PCDHGA4: variants seen among roughly 807,000 people sequenced by gnomAD.
PCDHGA4 encodes the protein protocadherin gamma subfamily A, 4.
In PCDHGA4, 38 loss-of-function variants were observed where a neutral mutation model predicts 54.6. The ratio of observed to expected loss-of-function variants is 0.70; its 90% CI spans 0.54 to 0.91. The LOEUF (loss-of-function observed/expected upper bound fraction) is 0.91. Ranked by LOEUF, PCDHGA4 falls within the 40% of genes least tolerant of loss-of-function variation. The probability of loss-of-function intolerance (pLI) is 0.00; values close to 1 mark genes in which losing one functional copy is unlikely to be tolerated. For synonymous variants in PCDHGA4, 511 were observed against 512.9 expected (o/e 1.00, Z 0.05); for missense variants, 1,298 against 1,220.9 (o/e 1.06, Z -0.94).
intron 1 of PCDHGA4, chr5:141,377,597 C>G (rs935154854): frequency 2.6e-4 from 37 of 142,848 alleles, no homozygotes; most frequent in African/African-American, 9.9e-4. Context: ...CTTTTTCTCT[C>G]TCTCTCTCAA....
chr5:141,372,297 A>G, intron 1 of PCDHGA4: 1 of 1,613,298 alleles, frequency 6.2e-7, no homozygotes, highest in South Asian at 1.1e-5. Context: ...CTTGGGCGAC[A>G]GGGAGGCCGC....
At chr5:141,389,304 GCTT>G (rs762969573) in intron 1 of PCDHGA4, 2 of 1,614,006 alleles carry the variant, frequency 1.2e-6, no homozygotes, top group Non-Finnish European at 1.7e-6. Context: ...ACAAGTCAGG[GCTT>G]CTGATCCGGA....
intron 1 of PCDHGA4, chr5:141,395,340 G>T (rs529007241): frequency 2.1e-6 from 3 of 1,419,360 alleles, no homozygotes; most frequent in Non-Finnish European, 1.9e-6. Flanking sequence ...TAATTTTTAA[G>T]GTGTATCACA....
chr5:141,472,454 C>T (rs538141635), intron 1 of PCDHGA4, among the ~76,000 whole-genome samples: 3 of 151,192 alleles, frequency 2.0e-5, no homozygotes, highest in South Asian at 4.2e-4. Context: ...GCAGGAGAAT[C>T]GCTTGAACCC....
chr5:141,414,376 T>G, intron 1 of PCDHGA4: 1 of 1,613,824 alleles, frequency 6.2e-7, no homozygotes, highest in Non-Finnish European at 8.5e-7. Flanking sequence ...ATTAGAAAAG[T>G]CCATTGACAG....
chr5:141,473,879 C>G (rs937312573), intron 1 of PCDHGA4, among the ~76,000 whole-genome samples: 2 of 152,120 alleles, frequency 1.3e-5, no homozygotes, highest in Admixed American at 1.3e-4. Context: ...AATGCATACA[C>G]AAGGGTTCTG....
Position 141,487,831 on chromosome 5 carries a change from A to G in PCDHGA4, c.2515-6976A>G, listed in dbSNP as rs1001896359. ...TTAGCATTGGGGGCGGGTCATGCCTATATCTGAGTAAGAAATGAAAGTAAT... is the reference window on the plus strand; with the variant it reads ...TTAGCATTGGGGGCGGGTCATGCCTGTATCTGAGTAAGAAATGAAAGTAAT... On this transcript the variant is annotated intron_variant, in intron 1 of 3. Transcript: ENST00000571252. This position sits in a 1 kb window ranked among gnomAD's most constrained non-coding sequence, Gnocchi z 5.0. The G allele has an allele frequency of 1.1e-5, 13 of 1,144,204 alleles. No homozygotes were observed. Among genetic ancestry groups the G allele is most frequent in the Non-Finnish European group, 1.6e-5 (13 of 818,302 alleles). 70.9% of individuals were successfully genotyped at this position (1,144,204 alleles called of 1,614,324 possible). A position where few individuals can be genotyped will look rare whatever the true frequency, so the allele number is the denominator to read the frequency against.
At chr5:141,444,531 CTG>C (rs2098439915) in intron 1 of PCDHGA4, among the ~76,000 whole-genome samples, 1 of 152,100 alleles carries the variant, frequency 6.6e-6, no homozygotes, top group Non-Finnish European at 1.5e-5. Context: ...GAGACAGTGA[CTG>C]TGTCTAGTGA....
rs780664832 is a variant in PCDHGA4 at position 141,422,982 on chromosome 5, T to C, written c.2514+65361T>C. On this transcript the variant is annotated intron_variant, in intron 1 of 3. Coordinates refer to ENST00000571252, the MANE Select transcript of PCDHGA4 (RefSeq NM_018917.4). ...AGCTGGCGCCCCGCTCTGCGGAACC[T>C]GGCTACCTGGTGACCAAGGTGGTTG... 2.5e-6 allele frequency: 4 copies of C among 1,614,206 alleles called. No individual in the cohort carries two copies. The South Asian group carries it at 4.4e-5, about 18-fold the overall frequency.
intron 1 of PCDHGA4, among the ~76,000 whole-genome samples, chr5:141,473,757 T>C (rs993403397): frequency 6.6e-6 from 1 of 152,240 alleles, no homozygotes; most frequent in Non-Finnish European, 1.5e-5. Context: ...TTGGATACTA[T>C]GCAAAGGATT....
At chr5:141,384,071 C>G in intron 1 of PCDHGA4, 2 of 1,603,192 alleles carry the variant, frequency 1.2e-6, no homozygotes, top group Non-Finnish European at 1.7e-6. Flanking sequence ...GAAAACCTAC[C>G]TTTTAAATTA....
At chr5:141,399,470 TC>T in intron 1 of PCDHGA4, 1 of 1,614,018 alleles carries the variant, frequency 6.2e-7, no homozygotes, top group South Asian at 1.1e-5. Context: ...GCTCCGGTTT[TC>T]CACCAGGCGT....
At position 141,431,914 on chromosome 5, in the gene PCDHGA4, C is replaced by A. The variant is rs745837291; in HGVS notation, c.2515-62893C>A. 6.2e-7 allele frequency: 1 copy of A among 1,613,912 alleles called. No individual in the cohort carries two copies. Among genetic ancestry groups the A allele is most frequent in the African/African-American group, 1.3e-5 (1 of 75,070 alleles). On this transcript the variant is annotated intron_variant, in intron 1 of 3. Transcript: ENST00000571252. The surrounding 1 kb of genome is among the most constrained non-coding windows in gnomAD (Gnocchi z 4.8). ...AGGAAAACGGACAGGTGATCTGTTT[C>A]ATCCAAGGAAATCTGCCCTTTAAAT...
In PCDHGA4 at chr5:141,355,570, A is replaced by G; in HGVS notation, c.463A>G (p.Ile155Val). 1 of 1,614,018 alleles carries G rather than the reference A, an allele frequency of 6.2e-7. No homozygotes were observed. The highest frequency in any genetic ancestry group is 8.5e-7 in the Non-Finnish European group (1 of 1,179,884). The change falls in exon 1 of 4, where the codon ATC becomes GTC. Residue 155 changes from isoleucine to valine, a missense_variant. Coordinates refer to ENST00000571252, the MANE Select transcript of PCDHGA4 (RefSeq NM_018917.4). ...VKILRVEVEI[I>V]DVNDNPPSFG... ...GATTTTGCGGGTAGAGGTGGAAATAATCGATGTTAATGATAACCCACCCAG... is the reference window on the plus strand; with the variant it reads ...GATTTTGCGGGTAGAGGTGGAAATAGTCGATGTTAATGATAACCCACCCAG...
Position 141,477,657 on chromosome 5 carries a change from G to C in PCDHGA4, c.2515-17150G>C. 4 of 1,614,190 alleles carry C rather than the reference G, an allele frequency of 2.5e-6. No individual in the cohort carries two copies. Among genetic ancestry groups the C allele is most frequent in the Non-Finnish European group, 3.4e-6 (4 of 1,180,038 alleles). The stretch of plus-strand genomic sequence containing the variant: ...GTGGGTCGCTATTTCACAATAAATC[G>C]TGACAATGGCATAGTGTCATCCTTA... On this transcript the variant is annotated intron_variant, in intron 1 of 3. Coordinates refer to ENST00000571252, the MANE Select transcript of PCDHGA4 (RefSeq NM_018917.4). The surrounding 1 kb of genome is among the most constrained non-coding windows in gnomAD (Gnocchi z 4.9).
In PCDHGA4 at chr5:141,392,458, G is replaced by A. The variant is rs113238570; in HGVS notation, c.2514+34837G>A. The A allele has an allele frequency of 2.2e-3, 375 of 170,410 alleles. 4 individuals are homozygous for A. Among genetic ancestry groups the A allele is most frequent in the African/African-American group, 8.5e-3 (357 of 42,198 alleles). The allele number at this position is 170,410 out of a possible 1,614,324, so 10.6% of individuals were successfully genotyped here. ...GTTTCTTTTAAAATATGGGTTTACG[G>A]ATAAATCAAATAAATTCAAAACAAA... On this transcript the variant is annotated intron_variant, in intron 1 of 3. Coordinates refer to ENST00000571252, the MANE Select transcript of PCDHGA4 (RefSeq NM_018917.4).
intron 1 of PCDHGA4, 100 bp downstream of exon 1, chr5:141,357,721 T>A: frequency 7.1e-7 from 1 of 1,415,050 alleles, no homozygotes; most frequent in East Asian, 2.5e-5. Flanking sequence ...TAAAGTTGCC[T>A]CTTTTAATAT....
chr5:141,476,357 C>T lies in PCDHGA4; in HGVS notation c.2515-18450C>T. On this transcript the variant is annotated intron_variant, in intron 1 of 3. Transcript: ENST00000571252. The surrounding 1 kb of genome is among the most constrained non-coding windows in gnomAD (Gnocchi z 7.6). ...TAGCCGAAGATTCTTTGAGGTGAAC[C>T]GGGAGACCGGAGAGATGTTTGTGAA... The T allele has an allele frequency of 6.2e-7, 1 of 1,614,052 alleles. No individual in the cohort carries two copies. The highest frequency in any genetic ancestry group is 2.2e-5 in the East Asian group (1 of 44,854).
chr5:141,463,510 G>A (rs1031854898), intron 1 of PCDHGA4, among the ~76,000 whole-genome samples: 4 of 143,710 alleles, frequency 2.8e-5, no homozygotes, highest in Non-Finnish European at 4.5e-5. Context: ...GTGACGTGGC[G>A]TGATCTCGGC....
Sources: allele counts gnomAD v4.1 joint callset (sites outside exome capture counted in the v4.1 genomes callset), GRCh38; gene constraint gnomAD v4.1.1; non-coding constraint Gnocchi (gnomAD v3.1); transcripts MANE v1.5; gene names NCBI Gene and HGNC (gene_info 2026-07-23, HGNC 2026-07-21).